Variants in CERK observed in about 807,000 individuals in gnomAD.
The protein encoded by CERK is acylsphingosine kinase.
A neutral mutation model predicts 63.4 loss-of-function variants in CERK; 39 were observed. The observed-to-expected ratio is 0.61, with a 90% CI of 0.48 to 0.80. CERK has a LOEUF of 0.80. Among genes scored for constraint, CERK ranks in the 30% least tolerant of loss-of-function variants. The pLI, the probability that CERK is intolerant of heterozygous loss-of-function variation, is 0.00. For missense variants in CERK, 670 were observed against 714.1 expected (o/e 0.94, Z 0.70); for synonymous variants, 302 against 280.0 (o/e 1.08, Z -0.78).
At chr22:46,687,270 C>T (rs2146536806) in intron 12 of CERK, 64 bp from the exon 13 acceptor site, 2 of 1,216,684 alleles carry the variant, frequency 1.6e-6, no homozygotes, top group East Asian at 2.6e-5. Flanking sequence ...GCCTGAGCCC[C>T]ACTCCTGGAC....
intron 12 of CERK, among the ~76,000 whole-genome samples, chr22:46,689,781 G>A (rs1417808955): frequency 1.3e-5 from 2 of 152,224 alleles, no homozygotes; most frequent in Non-Finnish European, 2.9e-5. Flanking sequence ...AAAATGCTGA[G>A]GACTCGGCAC....
chr22:46,695,171 C>T (rs777349994), intron 9 of CERK, 39 bp downstream of exon 9: 36 of 1,047,418 alleles, frequency 3.4e-5, no homozygotes, highest in Non-Finnish European at 5.2e-5. Context: ...CTTCATTTCC[C>T]GTCATTTGCA....
At chr22:46,691,935 C>T (rs1379443947) in intron 10 of CERK, among the ~76,000 whole-genome samples, 158 bp from the exon 11 acceptor site, 1 of 152,208 alleles carries the variant, frequency 6.6e-6, no homozygotes, top group Non-Finnish European at 1.5e-5. Flanking sequence ...AAACATCCAC[C>T]ACGGAACTGT....
intron 1 of CERK, among the ~76,000 whole-genome samples, chr22:46,723,281 C>A (rs953515627): frequency 2.0e-5 from 3 of 152,158 alleles, no homozygotes; most frequent in Non-Finnish European, 2.9e-5. Context: ...AATAGAGGAA[C>A]AAAATTCAAT....
intron 10 of CERK, 132 bp from the exon 11 acceptor site, chr22:46,691,909 T>A (rs1601708750): frequency 1.5e-6 from 1 of 652,490 alleles, no homozygotes. Flanking sequence ...CAATCGACTC[T>A]TCAGCTCAAC....
At position 46,685,154 on chromosome 22, in the gene CERK, C is replaced by A. The variant is rs2146533960; in HGVS notation, c.*1980G>T. On this transcript the variant is annotated 3_prime_UTR_variant, in exon 13 of 13. Transcript: ENST00000216264. ...CAATCTTGGCTCACCGCAACCTCCA[C>A]CTCTTTCTTGGGTTCAAGCGATTCT... 7.6e-6 allele frequency: 1 copy of A among 132,006 alleles called. No individual in the cohort carries two copies. The highest frequency in any genetic ancestry group is 2.3e-4 in the East Asian group (1 of 4,416). 8.2% of individuals were successfully genotyped at this position (132,006 alleles called of 1,614,324 possible).
intron 3 of CERK, among the ~76,000 whole-genome samples, chr22:46,719,750 G>A (rs1454141044): frequency 6.6e-6 from 1 of 152,216 alleles, no homozygotes; most frequent in Admixed American, 6.5e-5. Flanking sequence ...CATGTGCCCA[G>A]TTTAATTCTC....
chr22:46,712,250 T>A lies in CERK; in HGVS notation c.423A>T (p.Gly141=). Residue 141 remains glycine, a synonymous_variant, in exon 4 of 13, where the codon GGA becomes GGT. Coordinates refer to ENST00000216264, the MANE Select transcript of CERK (RefSeq NM_022766.6). The part of the protein sequence containing the change: ...KHLLVFINPF[G]GKGQGKRIYE... ...ATATCCGCTTGCCTTGTCCTTTTCC[T>A]CCAAACGGGTTGATAAATACCAGTA... 1 of 1,614,000 alleles carries A rather than the reference T, an allele frequency of 6.2e-7. No individual in the cohort carries two copies. The highest frequency in any genetic ancestry group is 8.5e-7 in the Non-Finnish European group (1 of 1,179,924).
chr22:46,722,770 G>A (rs1296308253), intron 1 of CERK, among the ~76,000 whole-genome samples: 1 of 152,156 alleles, frequency 6.6e-6, no homozygotes, highest in Non-Finnish European at 1.5e-5. Context: ...TGTTAGCCAG[G>A]CTGCAGGCCG....
intron 1 of CERK, among the ~76,000 whole-genome samples, chr22:46,724,198 A>G (rs1218406806): frequency 1.3e-5 from 2 of 152,144 alleles, no homozygotes; most frequent in Non-Finnish European, 2.9e-5. Flanking sequence ...GATAGTAAAC[A>G]CATTTTCTCT....
rs766728320 is a variant in CERK, at chr22:46,691,565, C to CACTT, written c.1332+3_1332+6dup. 6.2e-7 allele frequency: 1 copy of CACTT among 1,612,400 alleles called. No individual in the cohort carries two copies. The highest frequency in any genetic ancestry group is 8.5e-7 in the Non-Finnish European group (1 of 1,179,120). ...GTGGAGGCTCCATGCAAGAGCACCC[C>CACTT]ACTTACCTGGTCCTGCTGGTTGGTG... On this transcript the variant is annotated splice_region_variant and intron_variant, in intron 11 of 12. Coordinates refer to ENST00000216264, the MANE Select transcript of CERK (RefSeq NM_022766.6).
intron 1 of CERK, among the ~76,000 whole-genome samples, chr22:46,732,029 C>T (rs2082947680): frequency 6.6e-6 from 1 of 152,136 alleles, no homozygotes; most frequent in South Asian, 2.1e-4. Flanking sequence ...CAGCTGGAGG[C>T]AGAAGTCATC....
intron 12 of CERK, 110 bp from the exon 13 acceptor site, chr22:46,687,316 A>G: frequency 2.3e-6 from 1 of 434,200 alleles, no homozygotes; most frequent in South Asian, 2.6e-5. Context: ...CCCTCACTCA[A>G]AGCTGGCCCT....
chr22:46,705,177 G>C (rs2082807116), intron 6 of CERK, among the ~76,000 whole-genome samples: 1 of 152,230 alleles, frequency 6.6e-6, no homozygotes, highest in Admixed American at 6.5e-5. Context: ...AGGAAATCAT[G>C]ACCTGGAGCC....
At chr22:46,711,170 A>G (rs1271320603) in intron 4 of CERK, 21 bp from the exon 5 acceptor site, 1 of 1,586,352 alleles carries the variant, frequency 6.3e-7, no homozygotes, top group Non-Finnish European at 8.7e-7. Context: ...AAATTACATC[A>G]CACAGTTTAT....
At chr22:46,721,716 G>A (rs997559330) in intron 1 of CERK, among the ~76,000 whole-genome samples, 1 of 152,158 alleles carries the variant, frequency 6.6e-6, no homozygotes, top group Non-Finnish European at 1.5e-5. Context: ...CACGTGACAG[G>A]ACCCGGGACA....
chr22:46,722,840 G>A (rs2082899350), intron 1 of CERK, among the ~76,000 whole-genome samples: 3 of 152,236 alleles, frequency 2.0e-5, no homozygotes, highest in Admixed American at 6.5e-5. Flanking sequence ...GCCAGAAGGA[G>A]CGACACAGGT....
At chr22:46,730,876 C>G (rs993208453) in intron 1 of CERK, among the ~76,000 whole-genome samples, 1 of 152,196 alleles carries the variant, frequency 6.6e-6, no homozygotes, top group South Asian at 2.1e-4. Context: ...CAGGTACAAA[C>G]GCAGAGCCCC....
intron 1 of CERK, 72 bp downstream of exon 1, chr22:46,737,935 C>G (rs2082983632): frequency 1.9e-6 from 2 of 1,072,490 alleles, no homozygotes; most frequent in African/African-American, 3.4e-5. Flanking sequence ...CCCGGTCCCC[C>G]CAGCCGGGTC....
Sources: allele counts gnomAD v4.1 joint callset (sites outside exome capture counted in the v4.1 genomes callset), GRCh38; gene constraint gnomAD v4.1.1; transcripts MANE v1.5; gene names NCBI Gene and HGNC (gene_info 2026-07-23, HGNC 2026-07-21).